The following ATP13A4 variants were observed in gnomAD, a reference collection of about 807,000 sequenced individuals.
The protein encoded by ATP13A4 is probable cation-transporting ATPase 13A4.
ATP13A4 carries 114 observed loss-of-function variants against 142.5 expected under a neutral mutation model. The observed-to-expected ratio is 0.80, with a 90% confidence interval of 0.69 to 0.93. ATP13A4 has a LOEUF of 0.93. Among genes scored for constraint, ATP13A4 ranks in the 40% least tolerant of loss-of-function variants. The pLI, the probability that ATP13A4 is intolerant of heterozygous loss-of-function variation, is 0.00. For synonymous variants in ATP13A4, 488 were observed against 514.8 expected (o/e 0.95, Z 0.70); for missense variants, 1,392 against 1,454.0 (o/e 0.96, Z 0.69).
intron 1 of ATP13A4, among the ~76,000 whole-genome samples, chr3:193,529,320 T>C (rs911672965): frequency 1.6e-4 from 25 of 151,918 alleles, no homozygotes; most frequent in African/African-American, 6.0e-4. Flanking sequence ...AACTAGATGG[T>C]TAATTAGTGT....
At chr3:193,530,260 C>T (rs1207760500) in intron 1 of ATP13A4, among the ~76,000 whole-genome samples, 1 of 151,816 alleles carries the variant, frequency 6.6e-6, no homozygotes, top group Non-Finnish European at 1.5e-5. Flanking sequence ...CCTGTCTCAA[C>T]CTCATTACTT....
At chr3:193,442,720 T>C (rs1052061865) in intron 18 of ATP13A4, among the ~76,000 whole-genome samples, 164 bp from the exon 19 acceptor site, 15 of 152,258 alleles carry the variant, frequency 9.9e-5, no homozygotes, top group African/African-American at 3.4e-4. Flanking sequence ...CCATGATCCC[T>C]TTTCTGGTTC....
At position 193,402,358 on chromosome 3, in the gene ATP13A4, A is replaced by T. The variant is rs1405780065; in HGVS notation, c.*294T>A. On this transcript the variant is annotated 3_prime_UTR_variant, in exon 30 of 30. Coordinates refer to ENST00000342695, the MANE Select transcript of ATP13A4 (RefSeq NM_032279.4). ...GTCCTGTCCTAAGAGGAAAGATCAC[A>T]TATTTTTCCCCTTTAGCCTGCTTGT... The T allele has an allele frequency of 5.1e-6, 2 of 392,982 alleles. No individual in the cohort carries two copies. The highest frequency in any genetic ancestry group is 9.4e-6 in the Non-Finnish European group (2 of 212,236). The allele number at this position is 392,982 out of a possible 1,614,324, so 24.3% of individuals were successfully genotyped here.
intron 23 of ATP13A4, among the ~76,000 whole-genome samples, chr3:193,437,871 GC>G (rs1382027838): frequency 1.7e-5 from 2 of 115,020 alleles, no homozygotes; most frequent in African/African-American, 6.8e-5. Context: ...TTGCTCTGTT[GC>G]CCAGGCTGGA....
At chr3:193,514,075 C>T (rs1721276639) in intron 2 of ATP13A4, among the ~76,000 whole-genome samples, 1 of 152,238 alleles carries the variant, frequency 6.6e-6, no homozygotes, top group Admixed American at 6.5e-5. Flanking sequence ...ACCTCACCAT[C>T]CACAATTTTT....
In ATP13A4 at chr3:193,401,919, C is replaced by T. The variant is rs1322109648; in HGVS notation, c.*733G>A. 2.6e-5 allele frequency among the ~76,000 whole-genome samples: 4 copies of T among 151,946 alleles called. No homozygotes were observed. Among genetic ancestry groups the T allele is most frequent in the South Asian group, 2.1e-4 (1 of 4,814 alleles). On this transcript the variant is annotated 3_prime_UTR_variant, in exon 30 of 30. Transcript: ENST00000342695. ...GGGGTGAGGCAGTGAAGAGCCCACA[C>T]GTGATCTCCAGTCTATTCCTTCCCC...
chr3:193,538,892 CTTTTTTT>C (rs67132373), intron 1 of ATP13A4, among the ~76,000 whole-genome samples: 5 of 120,856 alleles, frequency 4.1e-5, no homozygotes, highest in Non-Finnish European at 5.1e-5. Flanking sequence ...TTGGTTTTTT[CTTTTTTT>C]TTTTTTTTTT....
chr3:193,451,853 A>G (rs997986687), intron 17 of ATP13A4, among the ~76,000 whole-genome samples: 1 of 152,168 alleles, frequency 6.6e-6, no homozygotes, highest in Non-Finnish European at 1.5e-5. Flanking sequence ...GGAGTTCACA[A>G]AGGATCATTA....
chr3:193,427,037 G>T (rs1005658432), intron 25 of ATP13A4, among the ~76,000 whole-genome samples: 1 of 151,908 alleles, frequency 6.6e-6, no homozygotes, highest in African/African-American at 2.4e-5. Context: ...TTTAAAAAGT[G>T]AAAAGATAAC....
rs1398239137 is a variant in ATP13A4, at chr3:193,400,800, C to T, written c.*1852G>A. Among the ~76,000 whole-genome samples, 3 of 152,200 alleles carry T rather than the reference C, an allele frequency of 2.0e-5. No individual in the cohort carries two copies. The highest frequency in any genetic ancestry group is 7.2e-5 in the African/African-American group (3 of 41,440). On this transcript the variant is annotated 3_prime_UTR_variant, in exon 30 of 30. Transcript: ENST00000342695. Reference sequence around the variant, plus strand: ...GTATGAACTGTGCAGGCTGATCTTGCTCATGACTAGGTCACAGACCATCTC... The same window carrying T: ...GTATGAACTGTGCAGGCTGATCTTGTTCATGACTAGGTCACAGACCATCTC...
Position 193,573,301 on chromosome 3 carries a change from A to G in ATP13A4, n.291+8406T>C, listed in dbSNP as rs868465621. Among the ~76,000 whole-genome samples, 50 of 78,988 alleles carry G rather than the reference A, an allele frequency of 6.3e-4. 4 individuals carry two copies. The South Asian group carries it at 0.021, about 32-fold the overall frequency. The allele number at this position is 78,988 out of a possible 152,430, so 51.8% of individuals were successfully genotyped here. ...CATATATATATATACACATATATATATATATACATATATATATATATATAT... is the reference window on the plus strand; with the variant it reads ...CATATATATATATACACATATATATGTATATACATATATATATATATATAT... On this transcript the variant is annotated intron_variant and non_coding_transcript_variant, in intron 2 of 3. Coordinates refer to the ATP13A4 transcript ENST00000489140.
At chr3:193,487,483 T>G (rs1191354777) in intron 7 of ATP13A4, among the ~76,000 whole-genome samples, 1 of 152,190 alleles carries the variant, frequency 6.6e-6, no homozygotes, top group African/African-American at 2.4e-5. Context: ...CTGGTATTAC[T>G]TTTTTATATA....
At chr3:193,451,778 A>G (rs1717294359) in intron 17 of ATP13A4, among the ~76,000 whole-genome samples, 1 of 152,204 alleles carries the variant, frequency 6.6e-6, no homozygotes, top group South Asian at 2.1e-4. Flanking sequence ...CAATGCTGGA[A>G]GCACCCTGAG....
chr3:193,438,111 C>T (rs1158564904), intron 23 of ATP13A4, among the ~76,000 whole-genome samples: 3 of 152,096 alleles, frequency 2.0e-5, no homozygotes, highest in Non-Finnish European at 4.4e-5. Flanking sequence ...GGATTACAGG[C>T]GTGAGCCACT....
chr3:193,491,333 T>G lies in ATP13A4; in HGVS notation c.599A>C (p.Lys200Thr). The change falls in exon 6 of 30, where the codon AAG (lysine) becomes ACG (threonine). Residue 200 changes from lysine (K) to threonine (T), a missense_variant. Transcript: ENST00000342695. ...EVTPIWKLLI[K>T]EVLNPFYIFQ... Reference sequence around the variant, plus strand: ...AGAAAATGCTGGAGAAATTACCTCCTTGATGAGCAGTTTCCAAATTGGTGT... The same window carrying G: ...AGAAAATGCTGGAGAAATTACCTCCGTGATGAGCAGTTTCCAAATTGGTGT... 1 of 1,596,944 alleles carries G rather than the reference T, an allele frequency of 6.3e-7. No individual in the cohort carries two copies. Among genetic ancestry groups the G allele is most frequent in the Non-Finnish European group, 8.6e-7 (1 of 1,164,792 alleles).
chr3:193,521,462 TATTTAATGACAAAATG>T (rs1284450174), intron 1 of ATP13A4, among the ~76,000 whole-genome samples: 7 of 152,286 alleles, frequency 4.6e-5, no homozygotes, highest in African/African-American at 1.7e-4. Context: ...ACAAGGAATA[TATTTAATGACAAAATG>T]TCAGGTTAAT....
At chr3:193,480,721 A>T (rs997575912) in intron 8 of ATP13A4, among the ~76,000 whole-genome samples, 1 of 152,172 alleles carries the variant, frequency 6.6e-6, no homozygotes, top group African/African-American at 2.4e-5. Context: ...CACTATGGAG[A>T]TTCCTTAAAG....
chr3:193,486,807 C>A (rs1464476351), intron 7 of ATP13A4, among the ~76,000 whole-genome samples: 1 of 152,028 alleles, frequency 6.6e-6, no homozygotes. Context: ...AATGAAGAAT[C>A]TTTTATGCAC....
intron 1 of ATP13A4, among the ~76,000 whole-genome samples, chr3:193,519,993 C>T (rs1015458350): frequency 6.6e-6 from 1 of 151,984 alleles, no homozygotes; most frequent in South Asian, 2.1e-4. Flanking sequence ...TTTCTGCTCC[C>T]CTACAACGAG....
Sources: allele counts gnomAD v4.1 joint callset (sites outside exome capture counted in the v4.1 genomes callset), GRCh38; gene constraint gnomAD v4.1.1; transcripts MANE v1.5; gene names NCBI Gene and HGNC (gene_info 2026-07-23, HGNC 2026-07-21).